Variants in ST6GALNAC3 observed in about 807,000 individuals in gnomAD.
ST6GALNAC3 encodes the protein ST6 N-acetylgalactosaminide alpha-2,6-sialyltransferase 3.
A neutral mutation model predicts 32.7 loss-of-function variants in ST6GALNAC3; 25 were observed. The ratio of observed to expected loss-of-function variants is 0.76; its 90% CI spans 0.56 to 1.07. The LOEUF is 1.07. Ranked by LOEUF, ST6GALNAC3 falls within the 50% of genes least tolerant of loss-of-function variation. The pLI is 0.00. For missense variants in ST6GALNAC3, 355 were observed against 382.4 expected (o/e 0.93, Z 0.60); for synonymous variants, 129 against 133.1 (o/e 0.97, Z 0.21).
chr1:76,431,819 C>T (rs1276705857), intron 3 of ST6GALNAC3, among the ~76,000 whole-genome samples: 1 of 152,142 alleles, frequency 6.6e-6, no homozygotes, highest in Non-Finnish European at 1.5e-5. Flanking sequence ...ACTGATGAAC[C>T]TGCAGTGACA....
At chr1:76,529,898 T>C (rs1430522920) in intron 3 of ST6GALNAC3, among the ~76,000 whole-genome samples, 1 of 152,208 alleles carries the variant, frequency 6.6e-6, no homozygotes, top group East Asian at 1.9e-4. Flanking sequence ...CTCATACATA[T>C]AAAATGCTCA....
At chr1:76,591,106 A>G (rs1647040352) in intron 3 of ST6GALNAC3, among the ~76,000 whole-genome samples, 1 of 152,182 alleles carries the variant, frequency 6.6e-6, no homozygotes, top group African/African-American at 2.4e-5. Flanking sequence ...GTGATGATAA[A>G]GGTTAGGAAA....
intron 1 of ST6GALNAC3, among the ~76,000 whole-genome samples, chr1:76,234,548 G>A (rs1190068910): frequency 6.6e-6 from 1 of 152,166 alleles, no homozygotes; most frequent in Non-Finnish European, 1.5e-5. Flanking sequence ...AGCCTTATGT[G>A]CTATATATCT....
At chr1:76,099,022 G>T (rs1047965833) in intron 1 of ST6GALNAC3, among the ~76,000 whole-genome samples, 14 of 152,066 alleles carry the variant, frequency 9.2e-5, no homozygotes, top group African/African-American at 3.4e-4. Context: ...TCATTGAAAA[G>T]ACTGTGCTTT....
chr1:76,275,586 T>A (rs1659088782), intron 1 of ST6GALNAC3, among the ~76,000 whole-genome samples: 1 of 152,100 alleles, frequency 6.6e-6, no homozygotes, highest in Non-Finnish European at 1.5e-5. Context: ...TCCTGGGCAA[T>A]AATTGAGTCT....
At chr1:76,100,502 G>A (rs1647200560) in intron 1 of ST6GALNAC3, among the ~76,000 whole-genome samples, 1 of 152,006 alleles carries the variant, frequency 6.6e-6, no homozygotes, top group Admixed American at 6.6e-5. Flanking sequence ...GTAAAATGTT[G>A]AACAACCACG....
intron 1 of ST6GALNAC3, among the ~76,000 whole-genome samples, chr1:76,244,703 T>G (rs767792218): frequency 1.3e-5 from 2 of 152,212 alleles, no homozygotes; most frequent in Non-Finnish European, 2.9e-5. Flanking sequence ...GAGATAATCA[T>G]GTGGTTTTTG....
Position 76,117,744 on chromosome 1 carries a change from G to A in ST6GALNAC3, c.18+42860G>A, listed in dbSNP as rs141316645. 7.2e-5 allele frequency among the ~76,000 whole-genome samples: 11 copies of A among 152,278 alleles called. No homozygotes were observed. The East Asian group carries it at 1.7e-3, about 24-fold the overall frequency. On this transcript the variant is annotated intron_variant, in intron 1 of 4. Coordinates refer to ENST00000328299, the MANE Select transcript of ST6GALNAC3 (RefSeq NM_152996.4). ...GATAATCAACTACTCTGATTACCTA[G>A]TAACTAAGCTAATTGGGAAGCAGTG...
At chr1:76,157,575 G>A (rs1411187484) in intron 1 of ST6GALNAC3, among the ~76,000 whole-genome samples, 1 of 152,158 alleles carries the variant, frequency 6.6e-6, no homozygotes, top group Non-Finnish European at 1.5e-5. Context: ...TTTAGTGAGG[G>A]TTGTTCACAT....
At position 76,120,182 on chromosome 1, in the gene ST6GALNAC3, G is replaced by A. The variant is rs374210100; in HGVS notation, c.18+45298G>A. 5.3e-5 allele frequency among the ~76,000 whole-genome samples: 8 copies of A among 152,208 alleles called. No homozygotes were observed. The East Asian group carries it at 5.8e-4, about 11-fold the overall frequency. On this transcript the variant is annotated intron_variant, in intron 1 of 4. Coordinates refer to ENST00000328299, the MANE Select transcript of ST6GALNAC3 (RefSeq NM_152996.4). The stretch of plus-strand genomic sequence containing the variant: ...TCACTTGGCTGTTAAATATAAGCTC[G>A]TCACAGTTAAAGTCTGGCAAGGCTG...
chr1:76,397,889 A>T (rs1168063259), intron 2 of ST6GALNAC3, among the ~76,000 whole-genome samples: 1 of 152,080 alleles, frequency 6.6e-6, no homozygotes. Context: ...TAGTTCTAAT[A>T]GTTTTTCTCT....
chr1:76,316,310 C>G (rs1379886702), intron 2 of ST6GALNAC3, among the ~76,000 whole-genome samples: 1 of 152,044 alleles, frequency 6.6e-6, no homozygotes, highest in Non-Finnish European at 1.5e-5. Flanking sequence ...GCTCATGAAC[C>G]CGTGCACTGG....
chr1:76,174,663 C>CT (rs59269306), intron 1 of ST6GALNAC3, among the ~76,000 whole-genome samples: 98,353 of 140,082 alleles, frequency 0.7, 35,734 homozygotes, highest in East Asian at 0.92. Flanking sequence ...TTTTTCTTTT[C>CT]TTTTTTTTTT....
At chr1:76,274,818 C>G (rs1041355809) in intron 1 of ST6GALNAC3, among the ~76,000 whole-genome samples, 3 of 152,106 alleles carry the variant, frequency 2.0e-5, no homozygotes, top group Non-Finnish European at 4.4e-5. Flanking sequence ...ACTGGTAAAA[C>G]CTTTCACCAA....
chr1:76,205,586 T>C (rs187142133), intron 1 of ST6GALNAC3, among the ~76,000 whole-genome samples: 1 of 152,240 alleles, frequency 6.6e-6, no homozygotes, highest in Non-Finnish European at 1.5e-5. Context: ...AGGCATCCCC[T>C]AAGGGAAAGT....
chr1:76,563,181 G>A (rs1665346278), intron 3 of ST6GALNAC3, among the ~76,000 whole-genome samples: 1 of 152,188 alleles, frequency 6.6e-6, no homozygotes, highest in African/African-American at 2.4e-5. Context: ...ATCAGAATGG[G>A]AAATCAATCA....
intron 1 of ST6GALNAC3, among the ~76,000 whole-genome samples, chr1:76,260,378 C>G (rs1341724504): frequency 1.3e-5 from 2 of 152,220 alleles, no homozygotes; most frequent in African/African-American, 4.8e-5. Flanking sequence ...CTGTTTTTAG[C>G]AAAGGCTGAT....
chr1:76,090,519 A>G (rs896917812), intron 1 of ST6GALNAC3, among the ~76,000 whole-genome samples: 4 of 152,224 alleles, frequency 2.6e-5, no homozygotes, highest in Non-Finnish European at 5.9e-5. Flanking sequence ...CACAGCAACC[A>G]GAAGGAATTT....
intron 3 of ST6GALNAC3, among the ~76,000 whole-genome samples, chr1:76,424,171 G>A (rs1015509271): frequency 2.6e-5 from 4 of 151,848 alleles, no homozygotes; most frequent in African/African-American, 4.8e-5. Flanking sequence ...ATTCCATTGA[G>A]CAAATTTCAC....
Sources: gnomAD v4.1 joint callset for allele counts (sites outside exome capture counted in the v4.1 genomes callset) on GRCh38, gnomAD v4.1.1 for gene constraint, MANE v1.5 for transcripts, NCBI Gene and HGNC (gene_info 2026-07-23, HGNC 2026-07-21) for gene names.